The following ARHGAP15 variants were observed in gnomAD, a reference collection of about 807,000 sequenced individuals.
ARHGAP15 encodes rho GTPase-activating protein 15.
A neutral mutation model predicts 63.7 loss-of-function variants in ARHGAP15; 51 were observed. The ratio of observed to expected loss-of-function variants is 0.80; its 90% CI spans 0.64 to 1.01. The LOEUF is 1.01. ARHGAP15 is among the 50% of genes least tolerant of loss of function. ARHGAP15 has a pLI of 0.00. For missense variants in ARHGAP15, 560 were observed against 564.6 expected, an observed-to-expected ratio of 0.99 and a Z score of 0.08; for synonymous variants, 191 against 193.8, an observed-to-expected ratio of 0.99 and a Z score of 0.12.
chr2:143,646,638 C>A (rs1680893409), intron 12 of ARHGAP15, among the ~76,000 whole-genome samples: 1 of 151,974 alleles, frequency 6.6e-6, no homozygotes, highest in African/African-American at 2.4e-5. Context: ...AATGCCTTGA[C>A]TGGGATTTAT....
chr2:143,570,639 T>C lies in ARHGAP15; in HGVS notation c.1003+14154T>C, dbSNP rs1378703743. Among the ~76,000 whole-genome samples, 3 of 152,242 alleles carry C rather than the reference T, an allele frequency of 2.0e-5. No homozygotes were observed. In the East Asian group the frequency reaches 5.8e-4, roughly 29 times the overall value. The stretch of plus-strand genomic sequence containing the variant: ...AAGTGAACAATTTTTCACTGTGTAC[T>C]ATTGAACTCAGTTCCAAAAACAATA... On this transcript the variant is annotated intron_variant, in intron 11 of 13. Coordinates refer to ENST00000295095, the MANE Select transcript of ARHGAP15 (RefSeq NM_018460.4).
At chr2:143,548,161 A>G (rs1695409459) in intron 10 of ARHGAP15, among the ~76,000 whole-genome samples, 1 of 152,140 alleles carries the variant, frequency 6.6e-6, no homozygotes, top group African/African-American at 2.4e-5. Flanking sequence ...AATATTAATG[A>G]TAAATATTTT....
chr2:143,704,469 C>G (rs1013413023), intron 13 of ARHGAP15, among the ~76,000 whole-genome samples: 3 of 152,066 alleles, frequency 2.0e-5, no homozygotes, highest in African/African-American at 7.2e-5. Flanking sequence ...ATCAAGTGTG[C>G]AAATTTTGGG....
Position 143,556,478 on chromosome 2 carries a change from C to T in ARHGAP15, c.996C>T (p.Val332=). 6.2e-7 allele frequency: 1 copy of T among 1,610,638 alleles called. No homozygotes were observed. The highest frequency in any genetic ancestry group is 8.5e-7 in the Non-Finnish European group (1 of 1,177,836). Residue 332 remains valine, a synonymous_variant, in exon 11 of 14, where the codon GTC becomes GTT. Transcript: ENST00000295095. ...LATIQKLRFI[V]NQEEKLNLDD... is the part of the protein sequence containing the mutation. ...CAATACAGAAGTTAAGATTTATTGT[C>T]AACCAAGGTAAGTGATTTCCACTTC... is the stretch of plus-strand genomic sequence containing the variant.
intron 2 of ARHGAP15, among the ~76,000 whole-genome samples, chr2:143,168,284 C>A (rs1365566614): frequency 6.6e-6 from 1 of 152,006 alleles, no homozygotes; most frequent in African/African-American, 2.4e-5. Context: ...TGCAAGCAAT[C>A]CTCCTGTTTC....
intron 8 of ARHGAP15, among the ~76,000 whole-genome samples, chr2:143,451,989 C>T (rs1690428390): frequency 6.6e-6 from 1 of 151,970 alleles, no homozygotes; most frequent in African/African-American, 2.4e-5. Flanking sequence ...CAGGAATGAA[C>T]TTGACTTGTT....
intron 6 of ARHGAP15, among the ~76,000 whole-genome samples, chr2:143,362,912 G>A (rs1686126074): frequency 6.6e-6 from 1 of 152,146 alleles, no homozygotes; most frequent in Non-Finnish European, 1.5e-5. Flanking sequence ...GACTACTATA[G>A]TAAGCTTCCA....
At chr2:143,516,528 A>G (rs1693827609) in intron 9 of ARHGAP15, among the ~76,000 whole-genome samples, 1 of 152,196 alleles carries the variant, frequency 6.6e-6, no homozygotes, top group Non-Finnish European at 1.5e-5. Context: ...TTCTTTGAAT[A>G]CTTTTATTAG....
At chr2:143,552,408 G>A (rs1249744930) in intron 10 of ARHGAP15, among the ~76,000 whole-genome samples, 2 of 152,090 alleles carry the variant, frequency 1.3e-5, no homozygotes, top group African/African-American at 2.4e-5. Context: ...AGTCAAATCT[G>A]GTCTTAGATT....
intron 10 of ARHGAP15, among the ~76,000 whole-genome samples, chr2:143,523,810 C>T (rs186213972): frequency 3.9e-5 from 6 of 152,114 alleles, no homozygotes; most frequent in African/African-American, 1.4e-4. Context: ...TAAAATGATA[C>T]CTAGAGATTT....
intron 6 of ARHGAP15, among the ~76,000 whole-genome samples, chr2:143,413,966 T>TGTGTGCGCGCGC: frequency 6.8e-4 from 80 of 117,922 alleles, no homozygotes; most frequent in Non-Finnish European, 1.1e-3. Flanking sequence ...TGTGTGTGTG[T>TGTGTGCGCGCGC]GCGCGCTCTC....
chr2:143,609,116 A>G (rs915666388), intron 11 of ARHGAP15, among the ~76,000 whole-genome samples: 1 of 152,196 alleles, frequency 6.6e-6, no homozygotes, highest in Admixed American at 6.5e-5. Context: ...GTATCTTTAC[A>G]TGTGTAGCTT....
At chr2:143,763,762 A>G (rs1686854887) in intron 13 of ARHGAP15, among the ~76,000 whole-genome samples, 1 of 147,586 alleles carries the variant, frequency 6.8e-6, no homozygotes, top group Non-Finnish European at 1.5e-5. Flanking sequence ...ATGTATGTAT[A>G]TAAATATATT....
intron 10 of ARHGAP15, among the ~76,000 whole-genome samples, chr2:143,546,405 G>T (rs1368084456): frequency 6.6e-6 from 1 of 151,900 alleles, no homozygotes; most frequent in Non-Finnish European, 1.5e-5. Flanking sequence ...TTGTGTTGGT[G>T]AGCCTTTTAT....
At chr2:143,427,264 C>T (rs990720349) in intron 6 of ARHGAP15, among the ~76,000 whole-genome samples, 2 of 152,122 alleles carry the variant, frequency 1.3e-5, no homozygotes, top group African/African-American at 4.8e-5. Flanking sequence ...GCAACAATAC[C>T]TACTTCTGCT....
intron 10 of ARHGAP15, among the ~76,000 whole-genome samples, chr2:143,538,378 T>C (rs2105036619): frequency 6.6e-6 from 1 of 152,326 alleles, no homozygotes; most frequent in Admixed American, 6.5e-5. Flanking sequence ...TATTTCCTTC[T>C]CCTGCCTGAT....
chr2:143,139,786 TAC>T lies in ARHGAP15; in HGVS notation c.-15+10322_-15+10323del, dbSNP rs1689289778. ...TTTAGTACGGAACTTTTTTCTTTCT[TAC>T]AGAGATAGTAGTGGTATTAAAAGCA... On this transcript the variant is annotated intron_variant, in intron 1 of 13. Coordinates refer to ENST00000295095, the MANE Select transcript of ARHGAP15 (RefSeq NM_018460.4). 2.5e-4 allele frequency among the ~76,000 whole-genome samples: 38 copies of T among 152,154 alleles called. No individual in the cohort carries two copies. The South Asian group carries it at 7.7e-3, about 31-fold the overall frequency.
At chr2:143,187,389 C>A (rs1574066361) in intron 2 of ARHGAP15, among the ~76,000 whole-genome samples, 1 of 152,254 alleles carries the variant, frequency 6.6e-6, no homozygotes, top group East Asian at 1.9e-4. Flanking sequence ...GCCTTAAGAG[C>A]AGAAGGGTAT....
chr2:143,351,441 C>T (rs1685567930), intron 6 of ARHGAP15: 1 of 152,158 alleles, frequency 6.6e-6, no homozygotes, highest in African/African-American at 2.4e-5. Context: ...GAGAGTGAGA[C>T]TACTGAATTT....
Sources: gnomAD v4.1 joint callset for allele counts (sites outside exome capture counted in the v4.1 genomes callset) on GRCh38, gnomAD v4.1.1 for gene constraint, MANE v1.5 for transcripts, NCBI Gene and HGNC (gene_info 2026-07-23, HGNC 2026-07-21) for gene names.